Variants in ZRANB3 observed in about 807,000 individuals in gnomAD.
ZRANB3 encodes the protein zinc finger RANBP2-type containing 3.
ZRANB3 carries 125 observed loss-of-function variants against 133.8 expected under a neutral mutation model. The observed-to-expected ratio is 0.93, with a 90% CI of 0.81 to 1.08. The LOEUF is 1.08. ZRANB3 is among the 50% of genes least tolerant of loss of function. ZRANB3 has a pLI of 0.00. For synonymous variants in ZRANB3, 387 were observed against 432.7 expected (o/e 0.89, Z 1.31); for missense variants, 1,229 against 1,275.5 (o/e 0.96, Z 0.56).
chr2:135,406,554 T>A (rs1177074831), intron 2 of ZRANB3, among the ~76,000 whole-genome samples: 1 of 152,128 alleles, frequency 6.6e-6, no homozygotes, highest in Non-Finnish European at 1.5e-5. Context: ...CTGATGAACA[T>A]CGATGCAAAA....
At chr2:135,507,961 A>T (rs2104826787) in intron 1 of ZRANB3, among the ~76,000 whole-genome samples, 1 of 150,024 alleles carries the variant, frequency 6.7e-6, no homozygotes, top group South Asian at 2.1e-4. Flanking sequence ...AAAGAAAAGA[A>T]GGAAAGGGAA....
At chr2:135,312,721 A>G (rs1683056946) in intron 8 of ZRANB3, among the ~76,000 whole-genome samples, 1 of 152,186 alleles carries the variant, frequency 6.6e-6, no homozygotes, top group Non-Finnish European at 1.5e-5. Flanking sequence ...TACTAATAAT[A>G]AAGATGAATA....
chr2:135,297,991 A>G (rs1682229512), intron 8 of ZRANB3, among the ~76,000 whole-genome samples: 1 of 152,038 alleles, frequency 6.6e-6, no homozygotes, highest in Non-Finnish European at 1.5e-5. Flanking sequence ...CCCTTTACAG[A>G]GCTGAGGTGG....
intron 2 of ZRANB3, among the ~76,000 whole-genome samples, chr2:135,406,622 C>T (rs2104947605): frequency 6.6e-6 from 1 of 152,290 alleles, no homozygotes; most frequent in East Asian, 1.9e-4. Flanking sequence ...GCTTATCCAC[C>T]ATGATCAAGT....
At chr2:135,528,775 A>G (rs1370695413) in intron 1 of ZRANB3, among the ~76,000 whole-genome samples, 6 of 152,244 alleles carry the variant, frequency 3.9e-5, no homozygotes, top group Admixed American at 2.6e-4. Context: ...GCTGCAAGGT[A>G]TGGTTACATT....
At chr2:135,394,616 T>C (rs1574030689) in intron 2 of ZRANB3, among the ~76,000 whole-genome samples, 2 of 152,128 alleles carry the variant, frequency 1.3e-5, no homozygotes, top group Admixed American at 1.3e-4. Flanking sequence ...GTTTCAGATT[T>C]ACTAGATGAA....
At chr2:135,454,975 C>A (rs976516921) in intron 2 of ZRANB3, among the ~76,000 whole-genome samples, 2 of 151,896 alleles carry the variant, frequency 1.3e-5, no homozygotes, top group African/African-American at 4.8e-5. Flanking sequence ...TCTCCAAATC[C>A]AACAGTCTTG....
chr2:135,466,035 A>G (rs1364176428), intron 2 of ZRANB3, among the ~76,000 whole-genome samples: 1 of 152,236 alleles, frequency 6.6e-6, no homozygotes, highest in Non-Finnish European at 1.5e-5. Context: ...AGAAATATCA[A>G]CTAAATGCTA....
At chr2:135,205,377 C>T (rs1478945023) in intron 19 of ZRANB3, among the ~76,000 whole-genome samples, 1 of 152,174 alleles carries the variant, frequency 6.6e-6, no homozygotes, top group African/African-American at 2.4e-5. Context: ...TCAAGCAATC[C>T]TCCTATCTCA....
At chr2:135,516,492 T>C (rs1020861152) in intron 1 of ZRANB3, among the ~76,000 whole-genome samples, 1 of 152,206 alleles carries the variant, frequency 6.6e-6, no homozygotes, top group Non-Finnish European at 1.5e-5. Flanking sequence ...CATTTGCTTG[T>C]CTGTAAAGGA....
At chr2:135,243,501 T>TA (rs925030057) in intron 12 of ZRANB3, among the ~76,000 whole-genome samples, 10 of 152,150 alleles carry the variant, frequency 6.6e-5, no homozygotes, top group African/African-American at 1.2e-4. Flanking sequence ...AGACTCCTTC[T>TA]AAAAAAAATA....
chr2:135,484,901 T>C (rs1692021090), intron 2 of ZRANB3, among the ~76,000 whole-genome samples: 1 of 151,702 alleles, frequency 6.6e-6, no homozygotes, highest in Admixed American at 6.6e-5. Flanking sequence ...CCAGGTGAGA[T>C]GGTGGGCACC....
chr2:135,446,698 C>T (rs1028676491), intron 2 of ZRANB3, among the ~76,000 whole-genome samples: 5 of 152,056 alleles, frequency 3.3e-5, no homozygotes, highest in Non-Finnish European at 5.9e-5. Flanking sequence ...GAATGATTAA[C>T]CATGGAATTT....
chr2:135,451,966 C>A (rs1690292164), intron 2 of ZRANB3, among the ~76,000 whole-genome samples: 1 of 151,932 alleles, frequency 6.6e-6, no homozygotes, highest in African/African-American at 2.4e-5. Context: ...AGCAAAACAT[C>A]CAAAATGAAA....
intron 2 of ZRANB3, among the ~76,000 whole-genome samples, chr2:135,455,589 CTTTTTTTTTT>C (rs929421233): frequency 1.9e-4 from 24 of 126,478 alleles, no homozygotes; most frequent in Non-Finnish European, 3.4e-4. Flanking sequence ...TGATTTTTTT[CTTTTTTTTTT>C]TTTTTTTTTT....
At chr2:135,320,523 AGAGT>A (rs1468591794) in intron 6 of ZRANB3, among the ~76,000 whole-genome samples, 2 of 152,226 alleles carry the variant, frequency 1.3e-5, no homozygotes, top group African/African-American at 2.4e-5. Context: ...TCAGTTTTAC[AGAGT>A]AAGTAAAAAT....
rs572895692 is a variant in ZRANB3 at position 135,255,636 on chromosome 2, C to T, written c.1539+9898G>A. Reference sequence around the variant, plus strand: ...GGTTGAGGCAAGAGGACTGCTTGAGCTGAGGAATTTGAGACCAGCCTGAGC... The same window carrying T: ...GGTTGAGGCAAGAGGACTGCTTGAGTTGAGGAATTTGAGACCAGCCTGAGC... On this transcript the variant is annotated intron_variant, in intron 12 of 20. Transcript: ENST00000264159. 3.6e-3 allele frequency among the ~76,000 whole-genome samples: 548 copies of T among 152,198 alleles called. 1 individual carries two copies. Among genetic ancestry groups the T allele is most frequent in the African/African-American group, 0.012 (493 of 41,548 alleles).
At chr2:135,378,971 A>G (rs1047309991) in intron 3 of ZRANB3, among the ~76,000 whole-genome samples, 1 of 152,106 alleles carries the variant, frequency 6.6e-6, no homozygotes, top group Non-Finnish European at 1.5e-5. Context: ...TTTTATTTAT[A>G]TATTTTTTAA....
At chr2:135,507,174 T>C (rs911732383) in intron 1 of ZRANB3, among the ~76,000 whole-genome samples, 1 of 152,194 alleles carries the variant, frequency 6.6e-6, no homozygotes, top group Non-Finnish European at 1.5e-5. Context: ...AATCAAAATG[T>C]GGACCTAGAG....
Sources: gnomAD v4.1 joint callset for allele counts (sites outside exome capture counted in the v4.1 genomes callset) on GRCh38, gnomAD v4.1.1 for gene constraint, MANE v1.5 for transcripts, NCBI Gene and HGNC (gene_info 2026-07-23, HGNC 2026-07-21) for gene names.